The following SERPINE2 variants were observed in gnomAD, a reference collection of about 807,000 sequenced individuals.
SERPINE2 encodes the protein glia-derived nexin.
Under a neutral mutation model 36.3 loss-of-function variants are expected in SERPINE2, and 14 were observed. The observed-to-expected ratio is 0.39, with a 90% CI of 0.25 to 0.60. The LOEUF (loss-of-function observed/expected upper bound fraction) is 0.60, where lower values mean the gene tolerates loss of function less well. Ranked by LOEUF, SERPINE2 falls within the 20% of genes least tolerant of loss-of-function variation. The pLI, the probability that SERPINE2 is intolerant of heterozygous loss-of-function variation, is 0.57. For missense variants in SERPINE2, 418 were observed against 499.6 expected, an observed-to-expected ratio of 0.84 and a Z score of 1.56; for synonymous variants, 192 against 191.8, an observed-to-expected ratio of 1.00 and a Z score of -0.01.
rs149159648 is a variant in SERPINE2 at position 224,017,781 on chromosome 2, G to C, written c.-22-15859C>G. 2.0e-3 allele frequency among the ~76,000 whole-genome samples: 301 copies of C among 152,258 alleles called. 2 individuals are homozygous for C. Among genetic ancestry groups the C allele is most frequent in the Non-Finnish European group, 3.3e-3 (227 of 68,024 alleles). ...GTCTCAGGTTCTTAGGACAGTTCTT[G>C]AGGCCCCACTCGAAGCTGGCCTCTG... On this transcript the variant is annotated intron_variant, in intron 1 of 8. Transcript: ENST00000409304.
chr2:223,983,573 A>G (rs1690305455), intron 5 of SERPINE2, among the ~76,000 whole-genome samples: 1 of 151,956 alleles, frequency 6.6e-6, no homozygotes. Context: ...TTCTGAAAGT[A>G]TTTTACTATT....
chr2:224,024,506 C>T (rs536738407), intron 1 of SERPINE2, among the ~76,000 whole-genome samples: 4 of 152,286 alleles, frequency 2.6e-5, no homozygotes, highest in Admixed American at 1.3e-4. Flanking sequence ...TGCTATTTCC[C>T]AGAAGAAACC....
In SERPINE2 at chr2:224,010,190, G is replaced by C. The variant is rs182191983; in HGVS notation, c.-22-8268C>G. On this transcript the variant is annotated intron_variant, in intron 1 of 8. Coordinates refer to ENST00000409304, the MANE Select transcript of SERPINE2 (RefSeq NM_001136528.2). The stretch of plus-strand genomic sequence containing the variant: ...CAACTTATCAAGGGGACAGCAGCTT[G>C]GTAGTTTTAAAATGTGTTTTTCAGG... Among the ~76,000 whole-genome samples, 244 of 152,290 alleles carry C rather than the reference G, an allele frequency of 1.6e-3. 2 individuals are homozygous for C. The highest frequency in any genetic ancestry group is 6.8e-3 in the Middle Eastern group (2 of 294).
chr2:223,984,227 G>C (rs550171229), intron 5 of SERPINE2, among the ~76,000 whole-genome samples: 2 of 152,056 alleles, frequency 1.3e-5, no homozygotes, highest in African/African-American at 2.4e-5. Flanking sequence ...CAGGATTTGG[G>C]GTTACTTTTC....
intron 1 of SERPINE2, among the ~76,000 whole-genome samples, chr2:224,037,081 T>TCTC (rs1266757542): frequency 6.6e-6 from 1 of 152,224 alleles, no homozygotes; most frequent in Non-Finnish European, 1.5e-5. Context: ...TAGTTGGTTT[T>TCTC]CTCCCACAAG....
intron 1 of SERPINE2, among the ~76,000 whole-genome samples, chr2:224,023,390 C>G (rs1270206973): frequency 6.6e-6 from 1 of 152,164 alleles, no homozygotes; most frequent in Non-Finnish European, 1.5e-5. Context: ...AATGCAGCAC[C>G]ATTTGGTGAT....
intron 1 of SERPINE2, among the ~76,000 whole-genome samples, chr2:224,019,750 C>CTTTTATTT (rs1553549393): frequency 1.5e-4 from 9 of 58,234 alleles, no homozygotes; most frequent in African/African-American, 4.4e-4. Flanking sequence ...TTGAGGAAGT[C>CTTTTATTT]TTTTTTTTTT....
Position 223,975,645 on chromosome 2 carries a change from T to C in SERPINE2, c.*222A>G. The stretch of plus-strand genomic sequence containing the variant: ...AGAATCTTTTAGACATCTGGAAGCC[T>C]TTCTATTCATTCCTCAGTACAGTGT... On this transcript the variant is annotated 3_prime_UTR_variant, in exon 9 of 9. Coordinates refer to ENST00000409304, the MANE Select transcript of SERPINE2 (RefSeq NM_001136528.2). The C allele has an allele frequency of 2.5e-6, 1 of 404,276 alleles. No homozygotes were observed. The highest frequency in any genetic ancestry group is 4.4e-6 in the Non-Finnish European group (1 of 226,752). 25.0% of individuals were successfully genotyped at this position (404,276 alleles called of 1,614,324 possible). A position where few individuals can be genotyped will look rare whatever the true frequency, so the allele number is the denominator to read the frequency against.
chr2:224,011,890 C>G (rs190275896), intron 1 of SERPINE2, among the ~76,000 whole-genome samples: 1 of 152,174 alleles, frequency 6.6e-6, no homozygotes, highest in East Asian at 1.9e-4. Context: ...ATGGAGGGGA[C>G]ACTGTGGGTG....
rs183552615 is a variant in SERPINE2 at position 224,033,941 on chromosome 2, A to C, written c.-23+5158T>G. 4.3e-4 allele frequency among the ~76,000 whole-genome samples: 66 copies of C among 152,354 alleles called. No homozygotes were observed. In the East Asian group the frequency reaches 0.012, roughly 28 times the overall value. On this transcript the variant is annotated intron_variant, in intron 1 of 8. Coordinates refer to ENST00000409304, the MANE Select transcript of SERPINE2 (RefSeq NM_001136528.2). ...GTTAATCAAAAATTTAAAATGTCTG[A>C]GGATATATATTAAATTTGCTAGTAC...
intron 2 of SERPINE2, among the ~76,000 whole-genome samples, chr2:224,000,693 C>T (rs1045099203): frequency 6.6e-6 from 1 of 152,078 alleles, no homozygotes; most frequent in Non-Finnish European, 1.5e-5. Context: ...CCTTGCCTTC[C>T]ACCCCTCGAC....
At chr2:224,005,115 G>A (rs1691376745) in intron 1 of SERPINE2, among the ~76,000 whole-genome samples, 1 of 130,682 alleles carries the variant, frequency 7.7e-6, no homozygotes, top group African/African-American at 3.0e-5. Flanking sequence ...GTAAAAACAG[G>A]GTGAAAGGAT....
chr2:224,032,133 G>T (rs1440919359), intron 1 of SERPINE2, among the ~76,000 whole-genome samples: 1 of 152,178 alleles, frequency 6.6e-6, no homozygotes, highest in Non-Finnish European at 1.5e-5. Flanking sequence ...ATAACTTCTT[G>T]AGTGGATTTC....
At chr2:223,989,836 A>G (rs1690583427) in intron 4 of SERPINE2, among the ~76,000 whole-genome samples, 1 of 152,230 alleles carries the variant, frequency 6.6e-6, no homozygotes, top group African/African-American at 2.4e-5. Flanking sequence ...CAGGGTGGAG[A>G]GTAAACAGAT....
chr2:224,009,080 T>G (rs1300541031), intron 1 of SERPINE2, among the ~76,000 whole-genome samples: 1 of 152,156 alleles, frequency 6.6e-6, no homozygotes, highest in Non-Finnish European at 1.5e-5. Context: ...GCGAGCCTCC[T>G]GAATCAAGCC....
intron 1 of SERPINE2, among the ~76,000 whole-genome samples, chr2:224,002,578 C>T (rs553641182): frequency 6.6e-6 from 1 of 152,108 alleles, no homozygotes; most frequent in East Asian, 1.9e-4. Flanking sequence ...CTGCAACCTC[C>T]GCCTCCCGGG....
chr2:223,987,964 C>T (rs2099603), intron 4 of SERPINE2, among the ~76,000 whole-genome samples: 148,986 of 152,308 alleles, frequency 0.98, 72,940 homozygotes, highest in African/African-American at 1. Context: ...TTTTAGACTG[C>T]ACTTTAGTAG....
At chr2:223,998,587 C>T (rs1192785539) in intron 2 of SERPINE2, among the ~76,000 whole-genome samples, 4 of 151,934 alleles carry the variant, frequency 2.6e-5, no homozygotes, top group East Asian at 1.9e-4. Flanking sequence ...TGTGGTGGCA[C>T]GCCTGTGATA....
chr2:224,030,247 A>T (rs760742009), intron 1 of SERPINE2: 468 of 984,976 alleles, frequency 4.8e-4, no homozygotes, highest in Non-Finnish European at 5.5e-4. Flanking sequence ...ATTGGGGAGT[A>T]CTGCCCACTG....
Sources: gnomAD v4.1 joint callset for allele counts (sites outside exome capture counted in the v4.1 genomes callset) on GRCh38, gnomAD v4.1.1 for gene constraint, MANE v1.5 for transcripts, NCBI Gene and HGNC (gene_info 2026-07-23, HGNC 2026-07-21) for gene names.